RETREG1: variants seen among roughly 807,000 people sequenced by gnomAD.
RETREG1 encodes the protein reticulophagy regulator 1, also known as family with sequence similarity 134 member B.
In RETREG1, 44 loss-of-function variants were observed where a neutral mutation model predicts 54.8. The observed-to-expected ratio is 0.80, with a 90% CI of 0.63 to 1.03. RETREG1 has a LOEUF of 1.03. Among genes scored for constraint, RETREG1 ranks in the 50% least tolerant of loss-of-function variants. The pLI, the probability that RETREG1 is intolerant of heterozygous loss-of-function variation, is 0.00. For missense variants in RETREG1, 554 were observed against 605.1 expected (o/e 0.92, Z 0.89); for synonymous variants, 217 against 238.5 (o/e 0.91, Z 0.83).
chr5:16,616,605 A>C (rs1743516593), intron 1 of RETREG1, 47 bp downstream of exon 1: 1 of 1,546,442 alleles, frequency 6.5e-7, no homozygotes, highest in African/African-American at 1.4e-5. Context: ...CGGGCGCCCC[A>C]AGGTCACCTG....
chr5:16,565,112 T>A (rs1380720516), intron 3 of RETREG1, among the ~76,000 whole-genome samples: 1 of 152,194 alleles, frequency 6.6e-6, no homozygotes, highest in Non-Finnish European at 1.5e-5. Flanking sequence ...CCGCCTCTCA[T>A]ACACCCAGTT....
At chr5:16,580,501 A>G (rs992764819) in intron 1 of RETREG1, among the ~76,000 whole-genome samples, 1 of 152,170 alleles carries the variant, frequency 6.6e-6, no homozygotes, top group African/African-American at 2.4e-5. Context: ...ATACCATCAG[A>G]CTCTGCCAAA....
At chr5:16,606,217 A>G (rs1436807828) in intron 1 of RETREG1, among the ~76,000 whole-genome samples, 1 of 152,150 alleles carries the variant, frequency 6.6e-6, no homozygotes. Context: ...GAGCAATTGC[A>G]AGTCAAGTAC....
At chr5:16,526,171 T>G (rs76959298) in intron 3 of RETREG1, among the ~76,000 whole-genome samples, 1 of 152,246 alleles carries the variant, frequency 6.6e-6, no homozygotes, top group Non-Finnish European at 1.5e-5. Flanking sequence ...TGGAGGGCCA[T>G]TGCTGTGGGT....
At chr5:16,484,181 C>T (rs1738928281) in intron 3 of RETREG1, among the ~76,000 whole-genome samples, 2 of 152,042 alleles carry the variant, frequency 1.3e-5, no homozygotes, top group African/African-American at 4.8e-5. Flanking sequence ...GGGCCGGCAA[C>T]CAGCTTTCTC....
chr5:16,479,902 G>A (rs1366141417), intron 5 of RETREG1, among the ~76,000 whole-genome samples: 2 of 152,022 alleles, frequency 1.3e-5, no homozygotes, highest in African/African-American at 4.8e-5. Flanking sequence ...CTGCCCCATC[G>A]AAAGGTAGCA....
intron 3 of RETREG1, among the ~76,000 whole-genome samples, chr5:16,504,655 G>A (rs903205729): frequency 4.6e-5 from 7 of 152,026 alleles, no homozygotes; most frequent in Admixed American, 2.6e-4. Context: ...AGCCATATAT[G>A]TACGTATCTA....
intron 1 of RETREG1, among the ~76,000 whole-genome samples, chr5:16,576,910 T>G (rs929047335): frequency 2.0e-5 from 3 of 152,116 alleles, no homozygotes; most frequent in African/African-American, 7.2e-5. Flanking sequence ...CCACCGCGCC[T>G]GGCCAAAAAC....
At chr5:16,567,767 G>A (rs1742056947) in intron 2 of RETREG1, among the ~76,000 whole-genome samples, 1 of 151,954 alleles carries the variant, frequency 6.6e-6, no homozygotes, top group Non-Finnish European at 1.5e-5. Context: ...AACCAGCCTG[G>A]GTAACACAGC....
At chr5:16,547,421 C>T (rs759968715) in intron 3 of RETREG1, among the ~76,000 whole-genome samples, 2 of 152,182 alleles carry the variant, frequency 1.3e-5, no homozygotes, top group African/African-American at 2.4e-5. Context: ...AAAATAAAAC[C>T]TTTGGTACAT....
At chr5:16,572,880 G>A (rs1454592010) in intron 1 of RETREG1, among the ~76,000 whole-genome samples, 1 of 151,742 alleles carries the variant, frequency 6.6e-6, no homozygotes, top group Non-Finnish European at 1.5e-5. Context: ...TCCCACCCTC[G>A]TCTCTTAAAA....
chr5:16,539,880 T>C (rs1741191662), intron 3 of RETREG1, among the ~76,000 whole-genome samples: 1 of 152,270 alleles, frequency 6.6e-6, no homozygotes, highest in South Asian at 2.1e-4. Flanking sequence ...GAATGACATG[T>C]TTTAAAATAA....
chr5:16,521,310 C>A (rs570765151), intron 3 of RETREG1, among the ~76,000 whole-genome samples: 1 of 152,318 alleles, frequency 6.6e-6, no homozygotes, highest in South Asian at 2.1e-4. Context: ...AGTTTAAACA[C>A]TTGTAAAAAC....
intron 3 of RETREG1, among the ~76,000 whole-genome samples, chr5:16,525,392 C>A (rs562728107): frequency 2.0e-5 from 3 of 152,306 alleles, no homozygotes; most frequent in South Asian, 4.2e-4. Context: ...TCCCTTCCCC[C>A]CCGCCACGAA....
chr5:16,608,495 T>C (rs17541323), intron 1 of RETREG1, among the ~76,000 whole-genome samples: 338 of 152,334 alleles, frequency 2.2e-3, no homozygotes, highest in Admixed American at 4.1e-3. Context: ...CACAAGACTT[T>C]CATCAGCTAT....
chr5:16,479,122 A>C (rs1738661784), intron 5 of RETREG1, 135 bp from the exon 6 acceptor site: 1 of 801,964 alleles, frequency 1.2e-6, no homozygotes, highest in African/African-American at 1.8e-5. Flanking sequence ...TTGTGAAATA[A>C]GTTTATAATT....
rs1740461580 is a variant in RETREG1, at chr5:16,519,478, G to A, written c.459-36006C>T. On this transcript the variant is annotated intron_variant, in intron 3 of 8. Transcript: ENST00000306320. ...TCATCTGGACAGCCAGCAGGAGAAA[G>A]CAGAACCTTTTTCTCAGCCTCTTCT... 2.0e-5 allele frequency among the ~76,000 whole-genome samples: 3 copies of A among 152,186 alleles called. No individual in the cohort carries two copies. In the South Asian group the frequency reaches 6.2e-4, roughly 32 times the overall value.
chr5:16,566,892 A>G (rs1737543302), intron 2 of RETREG1, among the ~76,000 whole-genome samples: 1 of 152,200 alleles, frequency 6.6e-6, no homozygotes, highest in African/African-American at 2.4e-5. Context: ...AATGCAGGGG[A>G]CTGTGAGCAA....
In RETREG1 at chr5:16,475,180, G is replaced by A. The variant is rs1738482744; in HGVS notation, c.1055C>T (p.Ser352Phe). 6.2e-7 allele frequency: 1 copy of A among 1,613,676 alleles called. No individual in the cohort carries two copies. Residue 352 changes from serine (S) to phenylalanine (F), a missense_variant, in exon 9 of 9, where the codon TCT becomes TTT. Ser to Phe is a radical substitution (Grantham distance 155). Transcript: ENST00000306320. ...VFSRDLSDFPSLENGMGTNDE... is the reference protein window; with the variant it reads ...VFSRDLSDFPFLENGMGTNDE... ...ATTTGTTCCCATGCCATTTTCTAGA[G>A]ATGGAAAATCTGAAAGATCTCTAGA... is the stretch of plus-strand genomic sequence containing the variant.
Sources: gnomAD v4.1 joint callset for allele counts (sites outside exome capture counted in the v4.1 genomes callset) on GRCh38, gnomAD v4.1.1 for gene constraint, MANE v1.5 for transcripts, NCBI Gene and HGNC (gene_info 2026-07-23, HGNC 2026-07-21) for gene names.